DLC1: variants seen among roughly 807,000 people sequenced by gnomAD.
DLC1 encodes the protein rho GTPase-activating protein 7.
In DLC1, 54 loss-of-function variants were observed where a neutral mutation model predicts 140.3. That is an observed-to-expected ratio of 0.38 (90% CI 0.31 to 0.48). The LOEUF (loss-of-function observed/expected upper bound fraction) is 0.48, where lower values mean the gene tolerates loss of function less well. Ranked by LOEUF, DLC1 falls within the 20% of genes least tolerant of loss-of-function variation. DLC1 has a pLI of 0.96. For synonymous variants in DLC1, 986 were observed against 728.1 expected, an observed-to-expected ratio of 1.35 and a Z score of -5.70; for missense variants, 2,536 against 1,907.0, an observed-to-expected ratio of 1.33 and a Z score of -6.14.
At chr8:13,367,774 G>C (rs907311502) in intron 4 of DLC1, among the ~76,000 whole-genome samples, 3 of 152,126 alleles carry the variant, frequency 2.0e-5, no homozygotes, top group Non-Finnish European at 4.4e-5. Context: ...AATTCTGCAG[G>C]TTTGGCCAGT....
chr8:13,200,331 G>A (rs928585246), intron 5 of DLC1, among the ~76,000 whole-genome samples: 2 of 151,912 alleles, frequency 1.3e-5, no homozygotes, highest in Admixed American at 6.6e-5. Flanking sequence ...CAAAGTGCTG[G>A]GATTACAGGC....
chr8:13,197,315 C>T (rs1827120939), intron 5 of DLC1, among the ~76,000 whole-genome samples: 1 of 151,852 alleles, frequency 6.6e-6, no homozygotes, highest in South Asian at 2.1e-4. Context: ...ACTATTTAAG[C>T]CCTTGATTTA....
chr8:13,278,507 G>A (rs1459172399), intron 5 of DLC1, among the ~76,000 whole-genome samples: 1 of 152,140 alleles, frequency 6.6e-6, no homozygotes, highest in Non-Finnish European at 1.5e-5. Flanking sequence ...ATATCACATC[G>A]ACCAAAAGTG....
At chr8:13,097,674 C>T (rs928293164) in intron 10 of DLC1, among the ~76,000 whole-genome samples, 1 of 152,048 alleles carries the variant, frequency 6.6e-6, no homozygotes, top group African/African-American at 2.4e-5. Context: ...TTCCTCCATC[C>T]AAAAATACGA....
chr8:13,192,666 G>C (rs1311338846), intron 5 of DLC1, among the ~76,000 whole-genome samples: 1 of 152,176 alleles, frequency 6.6e-6, no homozygotes, highest in Non-Finnish European at 1.5e-5. Context: ...GTCAGAATGT[G>C]ATTGACTTTG....
intron 5 of DLC1, among the ~76,000 whole-genome samples, chr8:13,267,107 G>C (rs1473132601): frequency 6.6e-6 from 1 of 152,202 alleles, no homozygotes; most frequent in Non-Finnish European, 1.5e-5. Flanking sequence ...ACAAAAGAAA[G>C]ATGTTTCCAG....
chr8:13,137,755 G>C (rs758716005), intron 5 of DLC1, among the ~76,000 whole-genome samples: 1 of 151,432 alleles, frequency 6.6e-6, no homozygotes, highest in African/African-American at 2.4e-5. Context: ...CTGCCACCAC[G>C]CCTGGCTACC....
rs773483544 is a variant in DLC1 at position 13,152,824 on chromosome 8, G to GAAAAAAAAAAAA, written c.1349-37179_1349-37168dup. Among the ~76,000 whole-genome samples the GAAAAAAAAAAAA allele has an allele frequency of 4.3e-3, 373 of 87,612 alleles. 68 individuals carry two copies. Among genetic ancestry groups the GAAAAAAAAAAAA allele is most frequent in the Middle Eastern group, 0.041 (5 of 122 alleles). The allele number at this position is 87,612 out of a possible 152,430, so 57.5% of individuals were successfully genotyped here. A position where few individuals can be genotyped will look rare whatever the true frequency, so the allele number is the denominator to read the frequency against. ...AGACTGAGACCCTGTCTCTGGGGAAGAAAAAAAAAAAAAAAGCAACCAACC... is the reference window on the plus strand; with the variant it reads ...AGACTGAGACCCTGTCTCTGGGGAAGAAAAAAAAAAAAAAAAAAAAAAAAAAAGCAACCAACC... On this transcript the variant is annotated intron_variant, in intron 5 of 17. Transcript: ENST00000276297.
At chr8:13,594,316 C>G (rs1467725925) in intron 1 of DLC1, among the ~76,000 whole-genome samples, 1 of 152,046 alleles carries the variant, frequency 6.6e-6, no homozygotes, top group Admixed American at 6.6e-5. Context: ...ACTGACAGAC[C>G]TTTCAATGCA....
chr8:13,505,910 C>G (rs1027815295), intron 1 of DLC1, among the ~76,000 whole-genome samples: 6 of 152,140 alleles, frequency 3.9e-5, no homozygotes, highest in African/African-American at 1.4e-4. Flanking sequence ...TTAGTACATG[C>G]ACATAAATGG....
chr8:13,100,551 T>C lies in DLC1; in HGVS notation c.1786A>G (p.Ser596Gly). The stretch of plus-strand genomic sequence containing the variant: ...GGGAGGCTGCCAGTGCTGCTGAGGC[T>C]GCGGACGGAAGACACCTCCTGGCGC... Reference protein sequence around the residue: ...SERQEVSSVRSLSSTGSLPSH... With the variant: ...SERQEVSSVRGLSSTGSLPSH... Residue 596 changes from serine to glycine, a missense_variant, in exon 9 of 18, where the codon AGC becomes GGC. Coordinates refer to ENST00000276297, the MANE Select transcript of DLC1 (RefSeq NM_182643.3). 1.9e-6 allele frequency: 3 copies of C among 1,613,222 alleles called. No homozygotes were observed. Among genetic ancestry groups the C allele is most frequent in the Non-Finnish European group, 2.5e-6 (3 of 1,179,842 alleles).
Position 13,453,480 on chromosome 8 carries a change from GTA to G in DLC1, c.1023+45567_1023+45568del, listed in dbSNP as rs1200749614. On this transcript the variant is annotated intron_variant, in intron 2 of 17. Coordinates refer to ENST00000276297, the MANE Select transcript of DLC1 (RefSeq NM_182643.3). ...TATATGTATATATATACATATATAT[GTA>G]TATATATACATATATATATGTATAT... is the stretch of plus-strand genomic sequence containing the variant. Among the ~76,000 whole-genome samples, 60 of 18,616 alleles carry G rather than the reference GTA, an allele frequency of 3.2e-3. 7 individuals are homozygous for G. The highest frequency in any genetic ancestry group is 0.014 in the African/African-American group (48 of 3,364). 12.2% of individuals were successfully genotyped at this position (18,616 alleles called of 152,430 possible). A position where few individuals can be genotyped will look rare whatever the true frequency, so the allele number is the denominator to read the frequency against.
At chr8:13,531,776 A>G (rs1803106711) in intron 1 of DLC1, among the ~76,000 whole-genome samples, 1 of 152,204 alleles carries the variant, frequency 6.6e-6, no homozygotes, top group Non-Finnish European at 1.5e-5. Context: ...TGTTTGATGA[A>G]AACACGAGCC....
intron 7 of DLC1, among the ~76,000 whole-genome samples, chr8:13,107,470 T>C (rs966397011): frequency 3.9e-5 from 6 of 152,242 alleles, no homozygotes; most frequent in African/African-American, 1.4e-4. Context: ...GCTGAATTTC[T>C]GCAACCATAT....
At chr8:13,533,061 G>T (rs187755324) in intron 1 of DLC1, among the ~76,000 whole-genome samples, 1 of 152,248 alleles carries the variant, frequency 6.6e-6, no homozygotes, top group African/African-American at 2.4e-5. Flanking sequence ...AGTATTATTA[G>T]TTGAAACGCT....
At chr8:13,580,368 G>C (rs1305277963) in intron 1 of DLC1, among the ~76,000 whole-genome samples, 1 of 152,122 alleles carries the variant, frequency 6.6e-6, no homozygotes, top group African/African-American at 2.4e-5. Context: ...TGATCTGCCC[G>C]CGTCGGACTC....
chr8:13,228,562 CCT>C (rs892947002), intron 5 of DLC1, among the ~76,000 whole-genome samples: 6 of 151,790 alleles, frequency 4.0e-5, no homozygotes, highest in African/African-American at 1.5e-4. Context: ...AAAGCAAGAC[CCT>C]GTCTCTACAA....
chr8:13,280,290 A>G (rs1831320683), intron 5 of DLC1, among the ~76,000 whole-genome samples: 1 of 136,974 alleles, frequency 7.3e-6, no homozygotes, highest in Non-Finnish European at 1.5e-5. Flanking sequence ...TCCATCTCAA[A>G]AAAAAAAAAA....
chr8:13,216,165 G>A (rs902450132), intron 5 of DLC1, among the ~76,000 whole-genome samples: 4 of 152,070 alleles, frequency 2.6e-5, no homozygotes, highest in Non-Finnish European at 4.4e-5. Context: ...CACCAACTCA[G>A]TTTAGCAACA....
Sources: allele counts gnomAD v4.1 joint callset (sites outside exome capture counted in the v4.1 genomes callset), GRCh38; gene constraint gnomAD v4.1.1; transcripts MANE v1.5; gene names NCBI Gene and HGNC (gene_info 2026-07-23, HGNC 2026-07-21).